Variants in HVCN1 observed in about 807,000 individuals in gnomAD.
HVCN1 encodes voltage-gated hydrogen channel 1.
HVCN1 carries 14 observed loss-of-function variants against 29.2 expected under a neutral mutation model. The observed-to-expected ratio is 0.48, with a 90% CI of 0.32 to 0.75. The LOEUF is 0.75. HVCN1 is among the 30% of genes least tolerant of loss of function. The pLI is 0.04. For missense variants in HVCN1, 263 were observed against 341.8 expected, an observed-to-expected ratio of 0.77 and a Z score of 1.82; for synonymous variants, 131 against 133.2, an observed-to-expected ratio of 0.98 and a Z score of 0.11.
chr12:110,701,773 C>G (rs550634545), intron 2 of HVCN1, among the ~76,000 whole-genome samples: 2 of 151,442 alleles, frequency 1.3e-5, no homozygotes, highest in South Asian at 4.2e-4. Flanking sequence ...AGGAGAATCA[C>G]TGGAACCTGG....
At chr12:110,685,549 C>T (rs530499840) in intron 2 of HVCN1, among the ~76,000 whole-genome samples, 6 of 152,312 alleles carry the variant, frequency 3.9e-5, no homozygotes, top group Non-Finnish European at 8.8e-5. Context: ...ATGAAGTGCA[C>T]GCCTTGTCAT....
chr12:110,677,326 T>C (rs952809572), intron 3 of HVCN1, among the ~76,000 whole-genome samples: 3 of 152,192 alleles, frequency 2.0e-5, no homozygotes, highest in Admixed American at 6.5e-5. Context: ...TCTGGCCACA[T>C]TGAGCCTTTC....
intron 3 of HVCN1, among the ~76,000 whole-genome samples, chr12:110,677,438 T>A (rs1415248485): frequency 6.6e-6 from 1 of 152,196 alleles, no homozygotes; most frequent in Non-Finnish European, 1.5e-5. Context: ...TTCTTCTTCA[T>A]CTCAGCTCTC....
chr12:110,698,776 G>T (rs2069531131), intron 2 of HVCN1, among the ~76,000 whole-genome samples: 1 of 152,190 alleles, frequency 6.6e-6, no homozygotes, highest in African/African-American at 2.4e-5. Flanking sequence ...TTCCGTTTTT[G>T]AGAGGAGTGG....
chr12:110,697,745 G>A (rs1351834312), intron 2 of HVCN1, among the ~76,000 whole-genome samples: 1 of 150,868 alleles, frequency 6.6e-6, no homozygotes, highest in Non-Finnish European at 1.5e-5. Context: ...CCGTCTCCCA[G>A]GTTCAAGCGA....
intron 6 of HVCN1, 106 bp from the exon 7 acceptor site, chr12:110,650,386 A>C: frequency 1.5e-6 from 1 of 667,178 alleles, no homozygotes; most frequent in Non-Finnish European, 2.7e-6. Flanking sequence ...GTGGTGACAG[A>C]CACGCGAGAC....
chr12:110,681,469 G>T (rs2068967364), intron 3 of HVCN1, among the ~76,000 whole-genome samples: 1 of 152,178 alleles, frequency 6.6e-6, no homozygotes, highest in Non-Finnish European at 1.5e-5. Flanking sequence ...AGTCTAATCA[G>T]CATTAAGCAT....
chr12:110,681,820 A>G (rs1412414018), intron 3 of HVCN1, among the ~76,000 whole-genome samples: 1 of 152,172 alleles, frequency 6.6e-6, no homozygotes, highest in African/African-American at 2.4e-5. Flanking sequence ...CTGATGTGAA[A>G]GTCAACACTT....
At chr12:110,650,323 T>A in intron 6 of HVCN1, 43 bp from the exon 7 acceptor site, 1 of 1,264,540 alleles carries the variant, frequency 7.9e-7, no homozygotes, top group Non-Finnish European at 1.2e-6. Flanking sequence ...GTTTCTAACT[T>A]AACCACTCAG....
chr12:110,678,700 C>T (rs1593510252), intron 3 of HVCN1, among the ~76,000 whole-genome samples: 1 of 152,238 alleles, frequency 6.6e-6, no homozygotes, highest in Non-Finnish European at 1.5e-5. Context: ...GATCCGCCTG[C>T]CTTGGCCTCC....
chr12:110,700,183 A>T (rs992567974), intron 2 of HVCN1, among the ~76,000 whole-genome samples: 1 of 152,242 alleles, frequency 6.6e-6, no homozygotes, highest in Admixed American at 6.5e-5. Context: ...GCTAAGCTAA[A>T]AAGTCTGCGA....
chr12:110,668,599 C>T (rs2068452837), intron 3 of HVCN1, among the ~76,000 whole-genome samples: 1 of 152,194 alleles, frequency 6.6e-6, no homozygotes, highest in African/African-American at 2.4e-5. Context: ...CCTCTGCATC[C>T]CTCAGGCTGT....
intron 1 of HVCN1, among the ~76,000 whole-genome samples, chr12:110,702,995 C>T (rs1593559426): frequency 6.6e-6 from 1 of 151,932 alleles, no homozygotes. Flanking sequence ...ACCATGTTGG[C>T]TAGGCTGGTC....
chr12:110,692,911 G>A (rs1280621179), upstream of HVCN1, among the ~76,000 whole-genome samples: 1 of 152,136 alleles, frequency 6.6e-6, no homozygotes, highest in Non-Finnish European at 1.5e-5. Flanking sequence ...TGTTGCTCAG[G>A]CTGGAATGCA....
chr12:110,661,548 G>T lies in HVCN1; in HGVS notation c.22-100C>A. The stretch of plus-strand genomic sequence containing the variant: ...GGCCACTGCAGGTGAAGATGGTCCC[G>T]GGTGCGTAGAACCCCCTGCAAGCAG... On this transcript the variant is annotated intron_variant, in intron 3 of 7. Coordinates refer to ENST00000242607, the MANE Select transcript of HVCN1 (RefSeq NM_032369.4). This position sits in a 1 kb window ranked among gnomAD's most constrained non-coding sequence, Gnocchi z 6.2. 1 of 1,149,758 alleles carries T rather than the reference G, an allele frequency of 8.7e-7. No individual in the cohort carries two copies. Among genetic ancestry groups the T allele is most frequent in the Non-Finnish European group, 1.2e-6 (1 of 809,368 alleles). The allele number at this position is 1,149,758 out of a possible 1,614,324, so 71.2% of individuals were successfully genotyped here.
intron 1 of HVCN1, among the ~76,000 whole-genome samples, chr12:110,703,054 C>T (rs2069577685): frequency 6.6e-6 from 1 of 151,884 alleles, no homozygotes; most frequent in African/African-American, 2.4e-5. Context: ...TCCCAAAGTT[C>T]TGGGATTACA....
intron 4 of HVCN1, among the ~76,000 whole-genome samples, chr12:110,660,545 C>A (rs552711272): frequency 1.3e-5 from 2 of 152,302 alleles, no homozygotes; most frequent in African/African-American, 2.4e-5. Flanking sequence ...GTTATTTACC[C>A]TTTATTTATT....
At chr12:110,656,177 C>G (rs2067984616) in intron 4 of HVCN1, among the ~76,000 whole-genome samples, 1 of 152,252 alleles carries the variant, frequency 6.6e-6, no homozygotes, top group African/African-American at 2.4e-5. Context: ...TGCTTACAAA[C>G]TAGCTTCTGC....
rs1459266643 is a variant in HVCN1, at chr12:110,658,553, G to A, written c.306+2611C>T. On this transcript the variant is annotated intron_variant, in intron 4 of 7. Transcript: ENST00000242607. The surrounding 1 kb of genome is among the most constrained non-coding windows in gnomAD (Gnocchi z 5.0). ...TTGGCAAACGAAGCCCCTCTACCTG[G>A]AAGCCTCCCACGCCATCCACCCATC... Among the ~76,000 whole-genome samples, 1 of 152,054 alleles carries A rather than the reference G, an allele frequency of 6.6e-6. No individual in the cohort carries two copies. Among genetic ancestry groups the A allele is most frequent in the East Asian group, 1.9e-4 (1 of 5,188 alleles).
Sources: allele counts gnomAD v4.1 joint callset (sites outside exome capture counted in the v4.1 genomes callset), GRCh38; gene constraint gnomAD v4.1.1; non-coding constraint Gnocchi (gnomAD v3.1); transcripts MANE v1.5; gene names NCBI Gene and HGNC (gene_info 2026-07-23, HGNC 2026-07-21).